DCLK1: variants seen among roughly 807,000 people sequenced by gnomAD.
DCLK1 encodes the protein serine/threonine-protein kinase DCLK1.
In DCLK1, 16 loss-of-function variants were observed where a neutral mutation model predicts 86.2. That is an observed-to-expected ratio of 0.19 (90% confidence interval 0.13 to 0.28). The LOEUF (loss-of-function observed/expected upper bound fraction) is 0.28. DCLK1 is among the 10% of genes least tolerant of loss of function. DCLK1 has a pLI of 1.00. For missense variants in DCLK1, 590 were observed against 940.2 expected (o/e 0.63, Z 4.87); for synonymous variants, 369 against 370.5 (o/e 1.00, Z 0.05).
Position 35,914,931 on chromosome 13 carries a change from G to A in DCLK1, c.823+32427C>T, listed in dbSNP as rs143625842. Among the ~76,000 whole-genome samples the A allele has an allele frequency of 1.1e-3, 167 of 152,280 alleles. 2 individuals carry two copies. The highest frequency in any genetic ancestry group is 3.6e-3 in the African/African-American group (148 of 41,558). ...GAGGAAGGAGATGACTTGAAGATGAGTAAAAGATCACTGGAGAGAGCCAAT... is the reference window on the plus strand; with the variant it reads ...GAGGAAGGAGATGACTTGAAGATGAATAAAAGATCACTGGAGAGAGCCAAT... On this transcript the variant is annotated intron_variant, in intron 4 of 16. Coordinates refer to ENST00000360631, the MANE Select transcript of DCLK1 (RefSeq NM_001330071.2).
chr13:35,952,986 C>G (rs1877786979), intron 3 of DCLK1, among the ~76,000 whole-genome samples: 1 of 152,196 alleles, frequency 6.6e-6, no homozygotes, highest in South Asian at 2.1e-4. Flanking sequence ...GACTTAAATT[C>G]TCTTGCTTAT....
At chr13:35,977,959 G>T (rs879888716) in intron 3 of DCLK1, among the ~76,000 whole-genome samples, 6 of 152,106 alleles carry the variant, frequency 3.9e-5, no homozygotes, top group Non-Finnish European at 5.9e-5. Context: ...GTCAACAAGA[G>T]CTCTGTGAGT....
At chr13:35,850,822 G>T in intron 6 of DCLK1, 3 of 1,530,884 alleles carry the variant, frequency 2.0e-6, no homozygotes, top group Non-Finnish European at 1.8e-6. Context: ...GGCTTTCTTG[G>T]GTGCCCTGTG....
chr13:35,828,597 C>T (rs1001257580), intron 8 of DCLK1, among the ~76,000 whole-genome samples: 2 of 152,302 alleles, frequency 1.3e-5, no homozygotes, highest in Middle Eastern at 3.4e-3. Context: ...GAATTGCCCA[C>T]TTGTCCCTCT....
chr13:36,077,039 A>G (rs1424682359), intron 3 of DCLK1, among the ~76,000 whole-genome samples: 1 of 152,128 alleles, frequency 6.6e-6, no homozygotes, highest in African/African-American at 2.4e-5. Flanking sequence ...GGAGGAGAAA[A>G]TATAGGTAGA....
intron 3 of DCLK1, among the ~76,000 whole-genome samples, chr13:36,060,801 G>A: frequency 6.6e-6 from 1 of 152,090 alleles, no homozygotes; most frequent in Middle Eastern, 3.2e-3. Flanking sequence ...GTGCAGTTGT[G>A]GCCATAACTC....
intron 15 of DCLK1, 73 bp from the exon 16 acceptor site, chr13:35,793,552 C>T: frequency 5.1e-6 from 6 of 1,173,794 alleles, no homozygotes; most frequent in South Asian, 1.4e-5. Context: ...GCTAAATCTT[C>T]TAGTCACAGG....
intron 16 of DCLK1, among the ~76,000 whole-genome samples, chr13:35,790,888 C>T (rs1446709679): frequency 6.6e-6 from 1 of 152,110 alleles, no homozygotes; most frequent in Non-Finnish European, 1.5e-5. Context: ...TCAGCCTTTG[C>T]ATTTTAAGAA....
chr13:36,014,776 T>C (rs1881464391), intron 3 of DCLK1, among the ~76,000 whole-genome samples: 1 of 152,212 alleles, frequency 6.6e-6, no homozygotes, highest in Admixed American at 6.5e-5. Flanking sequence ...TTAAGTGGTG[T>C]ATATTTAAAA....
intron 2 of DCLK1, among the ~76,000 whole-genome samples, chr13:36,124,824 G>C (rs1206241163): frequency 1.3e-5 from 2 of 152,166 alleles, no homozygotes; most frequent in Non-Finnish European, 2.9e-5. Context: ...TCAGGGCCTT[G>C]AGATCTCAAT....
intron 2 of DCLK1, among the ~76,000 whole-genome samples, chr13:36,115,908 G>A (rs1017968444): frequency 6.7e-6 from 1 of 149,082 alleles, no homozygotes. Flanking sequence ...ATACTGAAGA[G>A]TTCCTGTGTA....
intron 6 of DCLK1, among the ~76,000 whole-genome samples, chr13:35,841,683 A>G (rs561955615): frequency 3.9e-5 from 6 of 152,190 alleles, no homozygotes; most frequent in Non-Finnish European, 7.3e-5. Flanking sequence ...CAGTCAAGAG[A>G]AAAACGTACT....
chr13:35,793,657 C>A (rs2086748264), intron 15 of DCLK1, among the ~76,000 whole-genome samples, 178 bp from the exon 16 acceptor site: 2 of 152,142 alleles, frequency 1.3e-5, no homozygotes, highest in Non-Finnish European at 2.9e-5. Context: ...AGGTCTCATT[C>A]ATTTCCACAT....
At chr13:35,911,432 G>A (rs377154395) in intron 4 of DCLK1, among the ~76,000 whole-genome samples, 19 of 152,198 alleles carry the variant, frequency 1.2e-4, no homozygotes, top group South Asian at 4.1e-4. Flanking sequence ...GGACACCCAC[G>A]GGGCCACAGT....
At chr13:36,032,487 T>C (rs957341951) in intron 3 of DCLK1, among the ~76,000 whole-genome samples, 3 of 152,168 alleles carry the variant, frequency 2.0e-5, no homozygotes, top group Non-Finnish European at 4.4e-5. Flanking sequence ...TTTGTAATCA[T>C]AGTGAAATAA....
chr13:35,817,185 T>G (rs2087287890), intron 11 of DCLK1, among the ~76,000 whole-genome samples: 1 of 152,100 alleles, frequency 6.6e-6, no homozygotes, highest in South Asian at 2.1e-4. Flanking sequence ...AAGGTGAAAA[T>G]CAATGTCTTC....
chr13:36,071,353 T>A (rs1018036749), intron 3 of DCLK1, among the ~76,000 whole-genome samples: 3 of 152,202 alleles, frequency 2.0e-5, no homozygotes, highest in Non-Finnish European at 2.9e-5. Flanking sequence ...GCACTTTCTA[T>A]GTGATTTTAT....
intron 12 of DCLK1, 152 bp downstream of exon 12, chr13:35,810,683 A>G: frequency 9.7e-7 from 1 of 1,033,876 alleles, no homozygotes; most frequent in Non-Finnish European, 1.4e-6. Flanking sequence ...CCCACTGTAA[A>G]TGTTAAAGAA....
intron 16 of DCLK1, among the ~76,000 whole-genome samples, chr13:35,785,705 T>A (rs1042600959): frequency 2.0e-5 from 3 of 152,130 alleles, no homozygotes; most frequent in African/African-American, 7.2e-5. Flanking sequence ...TCCCAAGTGT[T>A]CGGCTTACAG....
Sources: gnomAD v4.1 joint callset for allele counts (sites outside exome capture counted in the v4.1 genomes callset) on GRCh38, gnomAD v4.1.1 for gene constraint, MANE v1.5 for transcripts, NCBI Gene and HGNC (gene_info 2026-07-23, HGNC 2026-07-21) for gene names.